Variants in SHROOM4 observed in about 807,000 individuals in gnomAD.
SHROOM4 encodes the protein shroom family member 4.
A neutral mutation model predicts 80.3 loss-of-function variants in SHROOM4; 17 were observed. That is an observed-to-expected ratio of 0.21 (90% CI 0.14 to 0.32). SHROOM4 has a LOEUF of 0.32. SHROOM4 is among the 10% of genes least tolerant of loss of function. The pLI, the probability that SHROOM4 is intolerant of heterozygous loss-of-function variation, is 1.00. For missense variants in SHROOM4, 993 were observed against 1,140.3 expected, an observed-to-expected ratio of 0.87 and a Z score of 1.86; for synonymous variants, 400 against 437.5, an observed-to-expected ratio of 0.91 and a Z score of 1.07.
chrX:50,599,074 C>T (rs1929270710), intron 7 of SHROOM4, among the ~76,000 whole-genome samples: 1 of 109,023 alleles, frequency 9.2e-6, no homozygotes, highest in Non-Finnish European at 1.9e-5. Context: ...GTTGGCCAGG[C>T]TGACCTCAAG....
intron 1 of SHROOM4, among the ~76,000 whole-genome samples, chrX:50,714,117 G>A (rs1485783720): frequency 9.0e-6 from 1 of 111,685 alleles, no homozygotes; most frequent in Non-Finnish European, 1.9e-5. Flanking sequence ...TCAAAAATCT[G>A]TTGGCTTTAT....
chrX:50,740,096 A>G (rs1201840475), intron 1 of SHROOM4, among the ~76,000 whole-genome samples: 1 of 73,777 alleles, frequency 1.4e-5, no homozygotes, highest in East Asian at 4.3e-4. Context: ...AAAACCAAAC[A>G]CCGCATGTTC....
At chrX:50,726,575 C>T (rs1463018123) in intron 1 of SHROOM4, among the ~76,000 whole-genome samples, 5 of 112,747 alleles carry the variant, frequency 4.4e-5, no homozygotes, top group Non-Finnish European at 9.4e-5. Context: ...ATCCCAGCCA[C>T]TCCAGCTCCA....
intron 5 of SHROOM4, among the ~76,000 whole-genome samples, chrX:50,611,468 T>A (rs1473163798): frequency 9.6e-6 from 1 of 103,888 alleles, no homozygotes; most frequent in Non-Finnish European, 2.0e-5. Context: ...AAAATGAAAA[T>A]AAAAATCTTT....
intron 3 of SHROOM4, 141 bp from the exon 4 acceptor site, chrX:50,635,809 C>T: frequency 1.8e-6 from 1 of 544,168 alleles, no homozygotes; most frequent in East Asian, 3.6e-5. Flanking sequence ...GAAAGGGAAA[C>T]AGGGAAGAAG....
At chrX:50,661,583 G>A (rs1056099851) in intron 2 of SHROOM4, among the ~76,000 whole-genome samples, 13 of 112,267 alleles carry the variant, frequency 1.2e-4, no homozygotes, top group Admixed American at 2.8e-4. Context: ...CTAAACAATT[G>A]TCTTTGAATC....
Position 50,586,804 on chromosome X carries a change from A to G in SHROOM4, c.*9891T>C, listed in dbSNP as rs1432594255. Among the ~76,000 whole-genome samples the G allele has an allele frequency of 8.9e-6, 1 of 112,187 alleles. No homozygotes were observed. The highest frequency in any genetic ancestry group is 1.9e-5 in the Non-Finnish European group (1 of 53,191). ...CCTATGGAGAAAATATCTTTGGTGAAAATCTTTTATTGTATATATTTAAGG... is the reference window on the plus strand; with the variant it reads ...CCTATGGAGAAAATATCTTTGGTGAGAATCTTTTATTGTATATATTTAAGG... On this transcript the variant is annotated 3_prime_UTR_variant, in exon 9 of 9. Coordinates refer to ENST00000376020, the MANE Select transcript of SHROOM4 (RefSeq NM_020717.5).
At chrX:50,790,641 CA>C (rs1171110137) in intron 1 of SHROOM4, among the ~76,000 whole-genome samples, 13 of 111,709 alleles carry the variant, frequency 1.2e-4, no homozygotes, top group Admixed American at 2.9e-4. Flanking sequence ...GATGGTTTAA[CA>C]TATGCAGATC....
chrX:50,769,853 G>C (rs1557269575), intron 1 of SHROOM4, among the ~76,000 whole-genome samples: 2 of 111,143 alleles, frequency 1.8e-5, no homozygotes, highest in Non-Finnish European at 3.8e-5. Flanking sequence ...GGGAACATAA[G>C]AACCATTCAA....
chrX:50,790,998 T>C (rs1341274547), intron 1 of SHROOM4, among the ~76,000 whole-genome samples: 1 of 110,430 alleles, frequency 9.1e-6, no homozygotes, highest in Non-Finnish European at 1.9e-5. Context: ...ACAAGTAAAA[T>C]TATTTTTTAC....
At chrX:50,777,801 C>T (rs1602506598) in intron 1 of SHROOM4, among the ~76,000 whole-genome samples, 1 of 112,364 alleles carries the variant, frequency 8.9e-6, no homozygotes, top group African/African-American at 3.2e-5. Flanking sequence ...GTTGAAGTTG[C>T]TGCTTTCATT....
At chrX:50,733,799 A>G (rs1569548264) in intron 1 of SHROOM4, among the ~76,000 whole-genome samples, 1 of 112,310 alleles carries the variant, frequency 8.9e-6, no homozygotes, top group Non-Finnish European at 1.9e-5. Context: ...AGGAAATTTA[A>G]GACATCCAAA....
At position 50,689,329 on chromosome X, in the gene SHROOM4, A is replaced by T. The variant is rs149273348; in HGVS notation, c.269+6457T>A. Among the ~76,000 whole-genome samples the T allele has an allele frequency of 1.8e-3, 203 of 112,114 alleles. 3 individuals carry two copies. The East Asian group carries it at 0.05, about 27-fold the overall frequency. Reference sequence around the variant, plus strand: ...GAGCTTCAAAAATGAAGGGAATCTTACATGAGGGTGGAGGAATGATGGTTC... The same window carrying T: ...GAGCTTCAAAAATGAAGGGAATCTTTCATGAGGGTGGAGGAATGATGGTTC... On this transcript the variant is annotated intron_variant, in intron 2 of 8. Coordinates refer to ENST00000376020, the MANE Select transcript of SHROOM4 (RefSeq NM_020717.5).
At chrX:50,606,202 G>A (rs1385123998) in intron 6 of SHROOM4, among the ~76,000 whole-genome samples, 1 of 107,512 alleles carries the variant, frequency 9.3e-6, no homozygotes, top group Non-Finnish European at 1.9e-5. Context: ...TCTAGCATTA[G>A]GTATGTCTCC....
Position 50,587,293 on chromosome X carries a change from T to G in SHROOM4, c.*9402A>C, listed in dbSNP as rs1006681950. ...AACCCTGGTACATTGTTGGTGGGAA[T>G]GTAAATTAGTACCCCATTTTGGAAA... On this transcript the variant is annotated 3_prime_UTR_variant, in exon 9 of 9. Transcript: ENST00000376020. Among the ~76,000 whole-genome samples the G allele has an allele frequency of 8.9e-6, 1 of 112,121 alleles. No individual in the cohort carries two copies. Among genetic ancestry groups the G allele is most frequent in the Admixed American group, 9.5e-5 (1 of 10,575 alleles).
At chrX:50,787,874 A>G (rs1602514209) in intron 1 of SHROOM4, among the ~76,000 whole-genome samples, 1 of 111,486 alleles carries the variant, frequency 9.0e-6, no homozygotes, top group East Asian at 2.8e-4. Context: ...CAGACAAACA[A>G]AAAAACCCGA....
At chrX:50,677,335 T>C (rs1442443805) in intron 2 of SHROOM4, among the ~76,000 whole-genome samples, 2 of 111,570 alleles carry the variant, frequency 1.8e-5, no homozygotes, top group African/African-American at 3.2e-5. Context: ...CTTAGCTGTT[T>C]ATTGTTTTTA....
intron 2 of SHROOM4, among the ~76,000 whole-genome samples, chrX:50,655,512 ATTTTT>A: frequency 9.4e-6 from 1 of 106,118 alleles, no homozygotes; most frequent in East Asian, 2.9e-4. Context: ...TATTTCATAT[ATTTTT>A]TATATATGAA....
At chrX:50,812,942 C>A (rs2147758134) in intron 1 of SHROOM4, among the ~76,000 whole-genome samples, 1 of 111,766 alleles carries the variant, frequency 8.9e-6, no homozygotes, top group African/African-American at 3.2e-5. Flanking sequence ...ACTTGGCAAT[C>A]TGGCACCTCA....
Sources: allele counts gnomAD v4.1 joint callset (sites outside exome capture counted in the v4.1 genomes callset), GRCh38; gene constraint gnomAD v4.1.1; transcripts MANE v1.5; gene names NCBI Gene and HGNC (gene_info 2026-07-23, HGNC 2026-07-21).